Variants in SGMS2 observed in about 807,000 individuals in gnomAD.
SGMS2 encodes the protein sphingomyelin synthase 2.
Under a neutral mutation model 43.8 loss-of-function variants are expected in SGMS2, and 21 were observed. The observed-to-expected ratio is 0.48, with a 90% confidence interval of 0.34 to 0.69. SGMS2 has a LOEUF of 0.69. SGMS2 is among the 30% of genes least tolerant of loss of function. The probability of loss-of-function intolerance (pLI) is 0.01; values close to 1 mark genes in which losing one functional copy is unlikely to be tolerated. For synonymous variants in SGMS2, 167 were observed against 160.6 expected, an observed-to-expected ratio of 1.04 and a Z score of -0.30; for missense variants, 384 against 443.2, an observed-to-expected ratio of 0.87 and a Z score of 1.20.
chr4:107,900,415 TA>T (rs748115214), intron 4 of SGMS2, among the ~76,000 whole-genome samples: 5 of 152,154 alleles, frequency 3.3e-5, no homozygotes, highest in Admixed American at 6.5e-5. Context: ...GCCTTAGTGG[TA>T]GCAGTGGAAA....
intron 1 of SGMS2, among the ~76,000 whole-genome samples, chr4:107,846,498 A>C (rs1373875840): frequency 1.3e-5 from 2 of 148,706 alleles, no homozygotes; most frequent in African/African-American, 2.5e-5. Flanking sequence ...ACATTTTCTT[A>C]ATCCAGTCTA....
chr4:107,833,591 C>T (rs1365850798), intron 1 of SGMS2, among the ~76,000 whole-genome samples: 1 of 152,150 alleles, frequency 6.6e-6, no homozygotes, highest in Non-Finnish European at 1.5e-5. Flanking sequence ...TACAAAATTA[C>T]CTTCAATCTG....
At chr4:107,866,265 A>T (rs1417767165) in intron 2 of SGMS2, among the ~76,000 whole-genome samples, 1 of 152,108 alleles carries the variant, frequency 6.6e-6, no homozygotes. Flanking sequence ...AAAAATACCA[A>T]GTTAAAAAAA....
At chr4:107,834,558 C>G (rs1042006453) in intron 1 of SGMS2, among the ~76,000 whole-genome samples, 1 of 152,098 alleles carries the variant, frequency 6.6e-6, no homozygotes, top group African/African-American at 2.4e-5. Context: ...CTCCAGGTTC[C>G]TTTTCATTTT....
chr4:107,886,798 G>A (rs754277403), intron 2 of SGMS2: 5 of 152,122 alleles, frequency 3.3e-5, no homozygotes, highest in Non-Finnish European at 7.3e-5. Context: ...CTAAGCCTTG[G>A]TAAAATAACC....
At chr4:107,832,191 T>C (rs1278733629) in intron 1 of SGMS2, among the ~76,000 whole-genome samples, 2 of 152,186 alleles carry the variant, frequency 1.3e-5, no homozygotes, top group African/African-American at 4.8e-5. Flanking sequence ...AAGGGTATTG[T>C]TTTGGTTAGT....
chr4:107,884,512 T>G (rs1729592667), intron 2 of SGMS2, among the ~76,000 whole-genome samples: 1 of 151,710 alleles, frequency 6.6e-6, no homozygotes. Context: ...GGGGGGGAAA[T>G]GTGAAAGGAA....
intron 2 of SGMS2, among the ~76,000 whole-genome samples, chr4:107,860,304 T>C (rs1727654724): frequency 6.6e-6 from 1 of 152,112 alleles, no homozygotes. Flanking sequence ...ACAGAGTCCA[T>C]TTATGGATGT....
At chr4:107,830,349 A>G (rs1373181724) in intron 1 of SGMS2, among the ~76,000 whole-genome samples, 1 of 152,156 alleles carries the variant, frequency 6.6e-6, no homozygotes, top group Non-Finnish European at 1.5e-5. Context: ...ATACATGTGC[A>G]TGTATCTTTA....
rs902988 is a variant in SGMS2 at position 107,832,678 on chromosome 4, T to C, written c.-327+7425T>C. Among the ~76,000 whole-genome samples, 1,298 of 152,338 alleles carry C rather than the reference T, an allele frequency of 8.5e-3. 9 individuals are homozygous for C. The highest frequency in any genetic ancestry group is 0.014 in the Non-Finnish European group (975 of 68,030). Reference sequence around the variant, plus strand: ...CCTGTTCAAACATATGATCAACTCCTTGGTTTACCATGTGGAGGATTACAA... The same window carrying C: ...CCTGTTCAAACATATGATCAACTCCCTGGTTTACCATGTGGAGGATTACAA... On this transcript the variant is annotated intron_variant, in intron 1 of 6. Coordinates refer to ENST00000690982, the MANE Select transcript of SGMS2 (RefSeq NM_001375905.1).
intron 3 of SGMS2, 110 bp downstream of exon 3, chr4:107,896,118 C>G: frequency 1.0e-6 from 1 of 976,700 alleles, no homozygotes; most frequent in Non-Finnish European, 1.5e-6. Context: ...CAGTCTTACC[C>G]AAACATTTGA....
At chr4:107,892,690 A>G (rs569681469) in intron 2 of SGMS2, among the ~76,000 whole-genome samples, 1 of 152,206 alleles carries the variant, frequency 6.6e-6, no homozygotes, top group South Asian at 2.1e-4. Context: ...AAGTGGGGAG[A>G]GGCCTTCCAG....
At chr4:107,852,427 C>A (rs1215711302) in intron 1 of SGMS2, among the ~76,000 whole-genome samples, 2 of 152,088 alleles carry the variant, frequency 1.3e-5, no homozygotes, top group Admixed American at 6.6e-5. Context: ...TTCTCTTTAA[C>A]TTTCTAATTA....
chr4:107,868,828 T>A (rs1252220962), intron 2 of SGMS2, among the ~76,000 whole-genome samples: 2 of 152,170 alleles, frequency 1.3e-5, no homozygotes, highest in Non-Finnish European at 2.9e-5. Context: ...TTTTCCACTA[T>A]CCCTTTTGTA....
intron 6 of SGMS2, among the ~76,000 whole-genome samples, chr4:107,909,714 T>C (rs1205394942): frequency 2.0e-5 from 3 of 152,238 alleles, no homozygotes; most frequent in Admixed American, 1.3e-4. Flanking sequence ...CTTGGTGTAA[T>C]AGAGTTGGTC....
chr4:107,852,010 TG>T (rs1229068972), intron 1 of SGMS2, among the ~76,000 whole-genome samples: 1 of 151,920 alleles, frequency 6.6e-6, no homozygotes, highest in Non-Finnish European at 1.5e-5. Context: ...AAATGAAAAA[TG>T]AGGTGTACCG....
intron 1 of SGMS2, among the ~76,000 whole-genome samples, chr4:107,842,990 G>A (rs576002463): frequency 9.2e-5 from 14 of 152,208 alleles, no homozygotes; most frequent in Non-Finnish European, 1.3e-4. Context: ...GCTACATTTC[G>A]TTTCTGTTCT....
chr4:107,903,292 A>C lies in SGMS2; in HGVS notation c.633A>C (p.Gly211=). 6.2e-7 allele frequency: 1 copy of C among 1,613,986 alleles called. No homozygotes were observed. The highest frequency in any genetic ancestry group is 8.5e-7 in the Non-Finnish European group (1 of 1,179,932). The change falls in exon 5 of 7, where the codon GGA becomes GGC. Residue 211 remains glycine (G), a synonymous_variant. Transcript: ENST00000690982. ...QRILRLISGG[G]LSITGSHILC... The stretch of plus-strand genomic sequence containing the variant: ...TTCTACGATTGATTTCTGGTGGTGG[A>C]TTGTCCATAACTGGATCACATATCT...
At chr4:107,884,505 G>C (rs1729590456) in intron 2 of SGMS2, among the ~76,000 whole-genome samples, 1 of 152,066 alleles carries the variant, frequency 6.6e-6, no homozygotes, top group South Asian at 2.1e-4. Context: ...AACAAAGGGG[G>C]GGGAAATGTG....
Sources: allele counts gnomAD v4.1 joint callset (sites outside exome capture counted in the v4.1 genomes callset), GRCh38; gene constraint gnomAD v4.1.1; transcripts MANE v1.5; gene names NCBI Gene and HGNC (gene_info 2026-07-23, HGNC 2026-07-21).